ANGPT1: variants seen among roughly 807,000 people sequenced by gnomAD.
The protein encoded by ANGPT1 is angiopoietin 1.
In ANGPT1, 17 loss-of-function variants were observed where a neutral mutation model predicts 62.2. The ratio of observed to expected loss-of-function variants is 0.27; its 90% confidence interval spans 0.19 to 0.41. ANGPT1 has a LOEUF of 0.41. ANGPT1 is among the 10% of genes least tolerant of loss of function. The pLI is 1.00. For missense variants in ANGPT1, 478 were observed against 594.9 expected, an observed-to-expected ratio of 0.80 and a Z score of 2.04; for synonymous variants, 199 against 198.9, an observed-to-expected ratio of 1.00 and a Z score of 0.00.
chr8:107,491,074 T>A lies in ANGPT1; in HGVS notation c.297+6188A>T, dbSNP rs1441503339. 1.3e-5 allele frequency among the ~76,000 whole-genome samples: 2 copies of A among 152,196 alleles called. 1 individual carries two copies. The highest frequency in any genetic ancestry group is 4.8e-5 in the African/African-American group (2 of 41,460). Reference sequence around the variant, plus strand: ...TCATGGACTTCATTTATTTCCCTATTTATTAAAAAATAATAAATAGAGCCA... The same window carrying A: ...TCATGGACTTCATTTATTTCCCTATATATTAAAAAATAATAAATAGAGCCA... On this transcript the variant is annotated intron_variant, in intron 1 of 8. Transcript: ENST00000517746.
At chr8:107,312,177 C>A (rs1303195675) in intron 4 of ANGPT1, among the ~76,000 whole-genome samples, 1 of 151,772 alleles carries the variant, frequency 6.6e-6, no homozygotes, top group Non-Finnish European at 1.5e-5. Flanking sequence ...AAATTAATTT[C>A]TTTGTTTTCC....
chr8:107,401,846 T>C (rs995416080), intron 1 of ANGPT1, among the ~76,000 whole-genome samples: 7 of 152,166 alleles, frequency 4.6e-5, no homozygotes, highest in African/African-American at 1.7e-4. Context: ...AAAAAATCAG[T>C]GTGTAAAGAT....
chr8:107,286,477 G>A (rs1267404746), intron 6 of ANGPT1, among the ~76,000 whole-genome samples: 4 of 152,062 alleles, frequency 2.6e-5, no homozygotes, highest in Non-Finnish European at 5.9e-5. Flanking sequence ...ACTAGAGATT[G>A]GATGCATTCT....
intron 1 of ANGPT1, among the ~76,000 whole-genome samples, chr8:107,396,139 GA>G (rs1816929186): frequency 6.6e-6 from 1 of 152,128 alleles, no homozygotes; most frequent in Non-Finnish European, 1.5e-5. Context: ...ATAACTTGAT[GA>G]CCTTATCAAC....
intron 1 of ANGPT1, among the ~76,000 whole-genome samples, chr8:107,385,295 C>T (rs1816712123): frequency 6.6e-6 from 1 of 152,046 alleles, no homozygotes; most frequent in Non-Finnish European, 1.5e-5. Flanking sequence ...TGTGTGTCAT[C>T]TCTGATTTCT....
chr8:107,484,507 TC>T (rs1205400537), intron 1 of ANGPT1, among the ~76,000 whole-genome samples: 1 of 152,086 alleles, frequency 6.6e-6, no homozygotes, highest in African/African-American at 2.4e-5. Context: ...GCTCAAATGA[TC>T]CTCCTACCTC....
chr8:107,441,875 G>T (rs974963050), intron 1 of ANGPT1, among the ~76,000 whole-genome samples: 2 of 152,114 alleles, frequency 1.3e-5, no homozygotes, highest in African/African-American at 4.8e-5. Context: ...CACGAGGTCA[G>T]GAGTTCGAGA....
chr8:107,415,889 A>G (rs773112976), intron 1 of ANGPT1, among the ~76,000 whole-genome samples: 5 of 152,182 alleles, frequency 3.3e-5, no homozygotes, highest in Non-Finnish European at 5.9e-5. Flanking sequence ...GAGCTATAAA[A>G]GTAAGACCAG....
At chr8:107,469,043 G>A (rs1286654316) in intron 1 of ANGPT1, among the ~76,000 whole-genome samples, 1 of 152,012 alleles carries the variant, frequency 6.6e-6, no homozygotes, top group Admixed American at 6.6e-5. Context: ...CACAAAGACA[G>A]ATATAGGCTA....
chr8:107,425,201 C>A (rs1811008407), intron 1 of ANGPT1, among the ~76,000 whole-genome samples: 2 of 152,136 alleles, frequency 1.3e-5, no homozygotes, highest in African/African-American at 4.8e-5. Context: ...GCATTCCTTT[C>A]TATGCATTGG....
At chr8:107,335,980 TACTAGC>T (rs1204598781) in intron 3 of ANGPT1, among the ~76,000 whole-genome samples, 164 bp downstream of exon 3, 4 of 152,240 alleles carry the variant, frequency 2.6e-5, no homozygotes, top group African/African-American at 9.6e-5. Context: ...ATTCCTGACA[TACTAGC>T]TGAATTTACC....
At chr8:107,469,017 GT>G (rs1217707256) in intron 1 of ANGPT1, among the ~76,000 whole-genome samples, 2 of 151,930 alleles carry the variant, frequency 1.3e-5, no homozygotes, top group South Asian at 2.1e-4. Context: ...AAACTACAGG[GT>G]TTTCTTTATA....
chr8:107,412,914 C>T (rs1170626413), intron 1 of ANGPT1, among the ~76,000 whole-genome samples: 1 of 152,020 alleles, frequency 6.6e-6, no homozygotes, highest in Non-Finnish European at 1.5e-5. Context: ...CAAATGGATA[C>T]TAAAATATTA....
chr8:107,491,219 A>G (rs1563646931), intron 1 of ANGPT1, among the ~76,000 whole-genome samples: 1 of 152,126 alleles, frequency 6.6e-6, no homozygotes, highest in Non-Finnish European at 1.5e-5. Context: ...CATAGAGCAT[A>G]GTGTCTATGA....
intron 1 of ANGPT1, among the ~76,000 whole-genome samples, chr8:107,397,207 G>C (rs1462734520): frequency 6.6e-6 from 1 of 152,082 alleles, no homozygotes; most frequent in Non-Finnish European, 1.5e-5. Context: ...ATCATTCCTA[G>C]AGGAAATATG....
intron 1 of ANGPT1, among the ~76,000 whole-genome samples, chr8:107,355,502 T>C (rs866608992): frequency 1.3e-5 from 2 of 152,182 alleles, no homozygotes; most frequent in Non-Finnish European, 2.9e-5. Flanking sequence ...GTATTCGTCA[T>C]AGATGATTCT....
intron 1 of ANGPT1, among the ~76,000 whole-genome samples, chr8:107,388,549 T>G (rs1272709209): frequency 1.3e-5 from 2 of 152,164 alleles, no homozygotes; most frequent in Non-Finnish European, 2.9e-5. Flanking sequence ...TCTCAAAACA[T>G]CTTAGCTCGT....
intron 3 of ANGPT1, among the ~76,000 whole-genome samples, chr8:107,323,296 G>A (rs1297060270): frequency 6.6e-6 from 1 of 152,160 alleles, no homozygotes; most frequent in African/African-American, 2.4e-5. Context: ...GGTTTTCTCA[G>A]TTCTGTTTTC....
chr8:107,294,981 C>T (rs557279356), intron 5 of ANGPT1: 3 of 152,228 alleles, frequency 2.0e-5, no homozygotes, highest in African/African-American at 7.2e-5. Context: ...TATGATGCAA[C>T]AGCAGCAAGC....
Sources: allele counts gnomAD v4.1 joint callset (sites outside exome capture counted in the v4.1 genomes callset), GRCh38; gene constraint gnomAD v4.1.1; transcripts MANE v1.5; gene names NCBI Gene and HGNC (gene_info 2026-07-23, HGNC 2026-07-21).